Variants in SFRP1 observed in about 807,000 individuals in gnomAD.
The protein encoded by SFRP1 is secreted frizzled related protein 1.
A neutral mutation model predicts 25.9 loss-of-function variants in SFRP1; 9 were observed. The observed-to-expected ratio is 0.35, with a 90% CI of 0.21 to 0.61. The LOEUF is 0.61. SFRP1 is among the 20% of genes least tolerant of loss of function. The pLI is 0.78. For synonymous variants in SFRP1, 178 were observed against 174.0 expected, an observed-to-expected ratio of 1.02 and a Z score of -0.18; for missense variants, 346 against 418.2, an observed-to-expected ratio of 0.83 and a Z score of 1.51.
chr8:41,308,448 A>C (rs1321099360), intron 1 of SFRP1, among the ~76,000 whole-genome samples, 168 bp downstream of exon 1: 3 of 152,204 alleles, frequency 2.0e-5, no homozygotes, highest in Non-Finnish European at 4.4e-5. Flanking sequence ...CCTGGGACAG[A>C]CCAGACGCGC....
chr8:41,286,638 C>T (rs558682140), intron 2 of SFRP1, among the ~76,000 whole-genome samples: 5 of 152,206 alleles, frequency 3.3e-5, no homozygotes, highest in African/African-American at 7.2e-5. Flanking sequence ...CTCCAAGACA[C>T]GCAACATGGA....
intron 2 of SFRP1, among the ~76,000 whole-genome samples, chr8:41,290,884 G>GTTTTTT (rs1395442969): frequency 1.1e-4 from 3 of 27,468 alleles, no homozygotes; most frequent in Non-Finnish European, 1.7e-4. Flanking sequence ...CCTCTTCCTC[G>GTTTTTT]TCTTTTTTTT....
In SFRP1 at chr8:41,308,056, A is replaced by C. The variant is rs1206704354; in HGVS notation, c.544+560T>G. 2.0e-5 allele frequency among the ~76,000 whole-genome samples: 3 copies of C among 152,210 alleles called. No homozygotes were observed. In the East Asian group the frequency reaches 5.8e-4, roughly 29 times the overall value. On this transcript the variant is annotated intron_variant, in intron 1 of 2. Coordinates refer to ENST00000220772, the MANE Select transcript of SFRP1 (RefSeq NM_003012.5). ...TCTCAGCCAGTTTTGCAGCAATCCC[A>C]AGGCTACTTGACTGAATGACCAGTG...
chr8:41,275,631 T>C (rs767687062), intron 2 of SFRP1, among the ~76,000 whole-genome samples: 4 of 148,710 alleles, frequency 2.7e-5, no homozygotes, highest in Non-Finnish European at 5.9e-5. Flanking sequence ...GCCTCCCGAG[T>C]AGCTGGGACT....
At chr8:41,296,047 G>A (rs370388651) in intron 2 of SFRP1, among the ~76,000 whole-genome samples, 6 of 152,196 alleles carry the variant, frequency 3.9e-5, no homozygotes, top group Non-Finnish European at 8.8e-5. Flanking sequence ...GGAGGCTCAC[G>A]CTACAGGGGT....
At chr8:41,303,590 G>C (rs765777326) in intron 1 of SFRP1, 52 bp from the exon 2 acceptor site, 2 of 1,468,750 alleles carry the variant, frequency 1.4e-6, no homozygotes, top group Non-Finnish European at 1.9e-6. Context: ...AGCAGGAAGG[G>C]AGCAGCCCCT....
rs542626264 is a variant in SFRP1, at chr8:41,283,763, A to G, written c.623-18274T>C. The stretch of plus-strand genomic sequence containing the variant: ...TTTTTAGTAGAGACGGGGTTTCGCC[A>G]TGTTGGTCAGGCTGGTCTCGAACTC... On this transcript the variant is annotated intron_variant, in intron 2 of 2. Transcript: ENST00000220772. Among the ~76,000 whole-genome samples, 36 of 152,098 alleles carry G rather than the reference A, an allele frequency of 2.4e-4. 1 individual carries two copies. In the East Asian group the frequency reaches 7.0e-3, roughly 29 times the overall value.
chr8:41,292,016 G>A (rs989101971), intron 2 of SFRP1, among the ~76,000 whole-genome samples: 6 of 152,084 alleles, frequency 3.9e-5, no homozygotes, highest in African/African-American at 7.2e-5. Flanking sequence ...CAGCTCCTAC[G>A]TGGCCAGCCC....
chr8:41,274,190 T>A (rs577311468), intron 2 of SFRP1, among the ~76,000 whole-genome samples: 1 of 152,160 alleles, frequency 6.6e-6, no homozygotes, highest in Non-Finnish European at 1.5e-5. Context: ...CCTAATTAAC[T>A]CCCTCTCCCA....
At position 41,265,138 on chromosome 8, in the gene SFRP1, G is replaced by GCCCCCCCCCCCCC; in HGVS notation, c.*28_*29insGGGGGGGGGGGGG. On this transcript the variant is annotated 3_prime_UTR_variant, in exon 3 of 3. Coordinates refer to ENST00000220772, the MANE Select transcript of SFRP1 (RefSeq NM_003012.5). The stretch of plus-strand genomic sequence containing the variant: ...CCCCCCCGCTCCCACCCCACCCGAG[G>GCCCCCCCCCCCCC]CTCCCTCCCCACCCTGCCCCCGGGA... The GCCCCCCCCCCCCC allele has an allele frequency of 2.0e-6, 1 of 508,948 alleles. No individual in the cohort carries two copies. The highest frequency in any genetic ancestry group is 3.3e-6 in the Non-Finnish European group (1 of 302,256). The allele number at this position is 508,948 out of a possible 1,614,324, so 31.5% of individuals were successfully genotyped here.
rs1476184893 is a variant in SFRP1 at position 41,265,151 on chromosome 8, C to T, written c.*16G>A. ...ACCCCACCCGAGGCTCCCTCCCCAC[C>T]CTGCCCCCGGGAGAATCACTTAAAC... On this transcript the variant is annotated 3_prime_UTR_variant, in exon 3 of 3. Coordinates refer to ENST00000220772, the MANE Select transcript of SFRP1 (RefSeq NM_003012.5). 2.7e-6 allele frequency: 4 copies of T among 1,477,394 alleles called. No homozygotes were observed. Among genetic ancestry groups the T allele is most frequent in the South Asian group, 1.3e-5 (1 of 78,988 alleles). 91.5% of individuals were successfully genotyped at this position (1,477,394 alleles called of 1,614,324 possible). A position where few individuals can be genotyped will look rare whatever the true frequency, so the allele number is the denominator to read the frequency against.
At chr8:41,292,754 T>G (rs548273856) in intron 2 of SFRP1, among the ~76,000 whole-genome samples, 8 of 152,318 alleles carry the variant, frequency 5.3e-5, no homozygotes, top group African/African-American at 1.9e-4. Context: ...GCCCAACGAT[T>G]GTTGAATCAT....
At chr8:41,276,011 G>A (rs1803567778) in intron 2 of SFRP1, among the ~76,000 whole-genome samples, 1 of 152,154 alleles carries the variant, frequency 6.6e-6, no homozygotes, top group Non-Finnish European at 1.5e-5. Flanking sequence ...GCCTCTCAAA[G>A]TGCTCTCAAA....
chr8:41,293,561 T>G (rs1803803775), intron 2 of SFRP1, among the ~76,000 whole-genome samples: 1 of 152,140 alleles, frequency 6.6e-6, no homozygotes, highest in African/African-American at 2.4e-5. Context: ...TCCATTAATC[T>G]TCAGCCTGAC....
rs184633130 is a variant in SFRP1, at chr8:41,290,741, C to T, written c.622+12720G>A. Reference sequence around the variant, plus strand: ...ACCCTGAGCCCTCTCATACGGGACGCGGCTCCAGGGCTCCTCTCTCCCTCC... The same window carrying T: ...ACCCTGAGCCCTCTCATACGGGACGTGGCTCCAGGGCTCCTCTCTCCCTCC... On this transcript the variant is annotated intron_variant, in intron 2 of 2. Coordinates refer to ENST00000220772, the MANE Select transcript of SFRP1 (RefSeq NM_003012.5). Among the ~76,000 whole-genome samples the T allele has an allele frequency of 2.0e-3, 307 of 152,152 alleles. 1 individual carries two copies. The highest frequency in any genetic ancestry group is 2.8e-3 in the Non-Finnish European group (189 of 67,990).
At chr8:41,273,865 C>A (rs1481262881) in intron 2 of SFRP1, among the ~76,000 whole-genome samples, 1 of 152,082 alleles carries the variant, frequency 6.6e-6, no homozygotes, top group Non-Finnish European at 1.5e-5. Flanking sequence ...AAGAGTCAGA[C>A]CTCAATGTGG....
intron 1 of SFRP1, chr8:41,306,812 C>T (rs779058331): frequency 6.3e-7 from 1 of 1,598,130 alleles, no homozygotes; most frequent in Non-Finnish European, 8.5e-7. Context: ...AGCCAAGGGG[C>T]AAAAGGTGTC....
Position 41,309,378 on chromosome 8 carries a change from T to C in SFRP1, c.-219A>G. ...CGGGCGGGGAGGCGGCGCTGCGGGC[T>C]GGGTGCGCCCCGGCTCCCGGAGGTG... On this transcript the variant is annotated 5_prime_UTR_variant, in exon 1 of 3. Coordinates refer to ENST00000220772, the MANE Select transcript of SFRP1 (RefSeq NM_003012.5). The C allele has an allele frequency of 3.5e-6, 1 of 287,124 alleles. No individual in the cohort carries two copies. Among genetic ancestry groups the C allele is most frequent in the Non-Finnish European group, 5.7e-6 (1 of 175,240 alleles). The allele number at this position is 287,124 out of a possible 1,614,324, so 17.8% of individuals were successfully genotyped here.
intron 2 of SFRP1, among the ~76,000 whole-genome samples, chr8:41,287,448 C>T (rs1041591401): frequency 6.6e-6 from 1 of 152,214 alleles, no homozygotes; most frequent in Non-Finnish European, 1.5e-5. Flanking sequence ...GGTAAGAGCA[C>T]CAGGTCATGT....
Sources: allele counts gnomAD v4.1 joint callset (sites outside exome capture counted in the v4.1 genomes callset), GRCh38; gene constraint gnomAD v4.1.1; transcripts MANE v1.5; gene names NCBI Gene and HGNC (gene_info 2026-07-23, HGNC 2026-07-21).